The following ADAMTS20 variants were observed in gnomAD, a reference collection of about 807,000 sequenced individuals.
ADAMTS20 encodes the protein ADAM metallopeptidase with thrombospondin type 1 motif 20.
A neutral mutation model predicts 260.1 loss-of-function variants in ADAMTS20; 225 were observed. That is an observed-to-expected ratio of 0.87 (90% CI 0.78 to 0.97). ADAMTS20 has a LOEUF of 0.97. ADAMTS20 is among the 50% of genes least tolerant of loss of function. The pLI, the probability that ADAMTS20 is intolerant of heterozygous loss-of-function variation, is 0.00. For missense variants in ADAMTS20, 2,400 were observed against 2,337.7 expected, an observed-to-expected ratio of 1.03 and a Z score of -0.55; for synonymous variants, 802 against 769.5, an observed-to-expected ratio of 1.04 and a Z score of -0.70.
intron 31 of ADAMTS20, among the ~76,000 whole-genome samples, chr12:43,378,501 G>C (rs1443823571): frequency 6.6e-6 from 1 of 152,222 alleles, no homozygotes; most frequent in Non-Finnish European, 1.5e-5. Flanking sequence ...CCACAGTAGA[G>C]AGGAACAGTT....
chr12:43,452,560 G>A lies in ADAMTS20; in HGVS notation c.1896C>T (p.Ile632=). ...CSDFNGKHLD[I]SGIPSNVRWL... ...ACCTCACATTAGAGGGAATGCCACT[G>A]ATGTCCAAATGTTTACCATTAAAAT... Residue 632 remains isoleucine, a synonymous_variant, in exon 13 of 39, where the codon ATC becomes ATT. Coordinates refer to ENST00000389420, the MANE Select transcript of ADAMTS20 (RefSeq NM_025003.5). 1.2e-6 allele frequency: 2 copies of A among 1,613,558 alleles called. No individual in the cohort carries two copies. The highest frequency in any genetic ancestry group is 1.7e-6 in the Non-Finnish European group (2 of 1,179,676).
chr12:43,537,471 A>G (rs1383514842), intron 2 of ADAMTS20, among the ~76,000 whole-genome samples: 2 of 152,184 alleles, frequency 1.3e-5, no homozygotes, highest in Admixed American at 6.5e-5. Context: ...GGAATGGGAT[A>G]TCCACCTCCT....
chr12:43,412,111 G>T (rs905944243), intron 28 of ADAMTS20, among the ~76,000 whole-genome samples: 1 of 152,148 alleles, frequency 6.6e-6, no homozygotes. Flanking sequence ...GAAATGAACC[G>T]ATGCTATGTA....
intron 36 of ADAMTS20, among the ~76,000 whole-genome samples, chr12:43,372,877 A>G (rs1243970247): frequency 6.6e-6 from 1 of 152,222 alleles, no homozygotes; most frequent in East Asian, 1.9e-4. Context: ...TTATTTTCTC[A>G]GTGAAATAGC....
At chr12:43,423,815 A>G in intron 28 of ADAMTS20, 1 of 705,440 alleles carries the variant, frequency 1.4e-6, no homozygotes, top group South Asian at 1.5e-5. Context: ...ATGGTCAGTA[A>G]CGACATTTAT....
chr12:43,381,710 G>T (rs1288545356), intron 31 of ADAMTS20, among the ~76,000 whole-genome samples: 2 of 143,870 alleles, frequency 1.4e-5, no homozygotes, highest in African/African-American at 5.3e-5. Context: ...GAGCCTAGGA[G>T]GTCAAGACTT....
chr12:43,546,832 G>C (rs1319730552), intron 2 of ADAMTS20, among the ~76,000 whole-genome samples: 2 of 152,040 alleles, frequency 1.3e-5, no homozygotes, highest in African/African-American at 4.8e-5. Context: ...TCTCTATTCA[G>C]AAATGTTTGA....
chr12:43,425,350 G>A (rs957072994), intron 28 of ADAMTS20, among the ~76,000 whole-genome samples, 164 bp downstream of exon 28: 6 of 152,022 alleles, frequency 3.9e-5, no homozygotes, highest in African/African-American at 1.2e-4. Flanking sequence ...TCTGTGCAGC[G>A]AACCACCATG....
At chr12:43,496,880 G>T (rs370664087) in intron 4 of ADAMTS20, among the ~76,000 whole-genome samples, 1 of 151,978 alleles carries the variant, frequency 6.6e-6, no homozygotes, top group African/African-American at 2.4e-5. Flanking sequence ...ATGAGACAGA[G>T]ATATTATATA....
At chr12:43,371,583 T>C (rs959947363) in intron 36 of ADAMTS20, among the ~76,000 whole-genome samples, 5 of 152,156 alleles carry the variant, frequency 3.3e-5, no homozygotes, top group African/African-American at 1.2e-4. Flanking sequence ...AAGATAAATT[T>C]CAGCAGAGAC....
intron 28 of ADAMTS20, among the ~76,000 whole-genome samples, chr12:43,424,224 C>T (rs1941288081): frequency 6.6e-6 from 1 of 152,040 alleles, no homozygotes; most frequent in Admixed American, 6.5e-5. Flanking sequence ...TGTACTTGGT[C>T]ATTCTTGATT....
At chr12:43,353,473 T>C (rs1443819606), downstream of ADAMTS20, among the ~76,000 whole-genome samples, 1 of 151,954 alleles carries the variant, frequency 6.6e-6, no homozygotes, top group Non-Finnish European at 1.5e-5. Context: ...CAATGTATTG[T>C]TCTTATAAGT....
At position 43,432,371 on chromosome 12, in the gene ADAMTS20, G is replaced by A; in HGVS notation, c.3029C>T (p.Ser1010Phe). The A allele has an allele frequency of 6.2e-7, 1 of 1,613,720 alleles. No homozygotes were observed. Among genetic ancestry groups the A allele is most frequent in the African/African-American group, 1.3e-5 (1 of 74,956 alleles). Reference protein sequence around the residue: ...RLADNECQELSRVTRENCNEF... With the variant: ...RLADNECQELFRVTRENCNEF... ...ATTGCAATTCTCTCTCGTCACTCGG[G>A]ACAGTTCTTGGCATTCATTGTCAGC... Residue 1010 changes from serine (S) to phenylalanine (F), a missense_variant, in exon 21 of 39, where the codon TCC (serine) becomes TTC (phenylalanine). Transcript: ENST00000389420.
In ADAMTS20 at chr12:43,376,160, A is replaced by T. The variant is rs1237294627; in HGVS notation, c.5221-12T>A. 1 of 1,583,444 alleles carries T rather than the reference A, an allele frequency of 6.3e-7. No individual in the cohort carries two copies. Among genetic ancestry groups the T allele is most frequent in the East Asian group, 2.2e-5 (1 of 44,464 alleles). On this transcript the variant is annotated splice_polypyrimidine_tract_variant and intron_variant, in intron 34 of 38. Transcript: ENST00000389420. ...TCTGCACAATAAATCTAAAGAAAAA[A>T]TGTAAACATCTAGAAAAACTTTTTC... is the stretch of plus-strand genomic sequence containing the variant.
chr12:43,399,704 A>G (rs185920955), intron 28 of ADAMTS20, among the ~76,000 whole-genome samples: 2,161 of 152,268 alleles, frequency 0.014, 30 homozygotes, highest in South Asian at 0.024. Flanking sequence ...TGATTGAGAA[A>G]GCAGAAAGTT....
At chr12:43,468,763 G>T in intron 7 of ADAMTS20, 58 bp from the exon 8 acceptor site, 1 of 1,013,330 alleles carries the variant, frequency 9.9e-7, no homozygotes, top group South Asian at 1.4e-5. Context: ...AAATCATAAA[G>T]AACTTAATTT....
intron 3 of ADAMTS20, among the ~76,000 whole-genome samples, chr12:43,514,063 T>C (rs533385469): frequency 2.1e-4 from 26 of 123,246 alleles, no homozygotes; most frequent in African/African-American, 6.8e-4. Context: ...AGTATAATTT[T>C]AAAAAAAAGA....
intron 7 of ADAMTS20, among the ~76,000 whole-genome samples, chr12:43,488,003 A>G (rs1942548677): frequency 6.6e-6 from 1 of 152,178 alleles, no homozygotes; most frequent in South Asian, 2.1e-4. Flanking sequence ...TTGATTATTC[A>G]AATAAAAAAG....
rs200544907 is a variant in ADAMTS20, at chr12:43,551,756, T to TCC, written c.91+73_91+74dup. 8.4e-4 allele frequency: 1,240 copies of TCC among 1,472,798 alleles called. 23 individuals carry two copies. The East Asian group carries it at 0.027, about 32-fold the overall frequency. 91.2% of individuals were successfully genotyped at this position (1,472,798 alleles called of 1,614,324 possible). On this transcript the variant is annotated intron_variant, in intron 1 of 38. Transcript: ENST00000389420. The surrounding 1 kb of genome is among the most constrained non-coding windows in gnomAD (Gnocchi z 4.6). Reference sequence around the variant, plus strand: ...GTTCCCCAACGGGCTGAGCCGCTCGTCCCCGCGACCTGCATGTCCCACTCG... The same window carrying TCC: ...GTTCCCCAACGGGCTGAGCCGCTCGTCCCCCCGCGACCTGCATGTCCCACTCG...
Sources: allele counts gnomAD v4.1 joint callset (sites outside exome capture counted in the v4.1 genomes callset), GRCh38; gene constraint gnomAD v4.1.1; non-coding constraint Gnocchi (gnomAD v3.1); transcripts MANE v1.5; gene names NCBI Gene and HGNC (gene_info 2026-07-23, HGNC 2026-07-21).